The following KIF6 variants were observed in gnomAD, a reference collection of about 807,000 sequenced individuals.
KIF6 encodes kinesin family member 6.
Under a neutral mutation model 112.7 loss-of-function variants are expected in KIF6, and 106 were observed. That is an observed-to-expected ratio of 0.94 (90% CI 0.80 to 1.11). KIF6 has a LOEUF of 1.11. KIF6 is among the 50% of genes least tolerant of loss of function. The pLI is 0.00. For synonymous variants in KIF6, 339 were observed against 339.9 expected (o/e 1.00, Z 0.03); for missense variants, 929 against 964.0 (o/e 0.96, Z 0.48).
intron 7 of KIF6, among the ~76,000 whole-genome samples, chr6:39,591,280 A>G (rs1168667325): frequency 2.6e-5 from 4 of 152,194 alleles, no homozygotes; most frequent in African/African-American, 9.7e-5. Context: ...AGGGCTCTCT[A>G]AAGAATTAGA....
chr6:39,574,730 G>C (rs1226916922), intron 10 of KIF6, among the ~76,000 whole-genome samples: 1 of 151,820 alleles, frequency 6.6e-6, no homozygotes, highest in Non-Finnish European at 1.5e-5. Flanking sequence ...TTAACTATTG[G>C]CTCCTCTGCA....
intron 13 of KIF6, among the ~76,000 whole-genome samples, chr6:39,472,146 GC>G (rs977622260): frequency 1.3e-5 from 2 of 152,086 alleles, no homozygotes; most frequent in Non-Finnish European, 2.9e-5. Flanking sequence ...CACCTTTCAT[GC>G]CCTACAGTCT....
intron 10 of KIF6, among the ~76,000 whole-genome samples, chr6:39,557,229 T>G (rs902883933): frequency 1.3e-5 from 2 of 152,164 alleles, no homozygotes; most frequent in Non-Finnish European, 2.9e-5. Context: ...TATTTTATCC[T>G]TTCATATGGA....
chr6:39,568,562 T>A (rs1349769257), intron 10 of KIF6, among the ~76,000 whole-genome samples: 2 of 151,850 alleles, frequency 1.3e-5, no homozygotes, highest in East Asian at 1.9e-4. Flanking sequence ...TTTTTTTTTT[T>A]AATTTGAGAT....
At position 39,622,305 on chromosome 6, in the gene KIF6, A is replaced by G. The variant is rs542419876; in HGVS notation, c.510-8987T>C. Among the ~76,000 whole-genome samples, 277 of 152,058 alleles carry G rather than the reference A, an allele frequency of 1.8e-3. 2 individuals are homozygous for G. The highest frequency in any genetic ancestry group is 6.8e-3 in the Middle Eastern group (2 of 294). On this transcript the variant is annotated intron_variant, in intron 5 of 22. Coordinates refer to ENST00000287152, the MANE Select transcript of KIF6 (RefSeq NM_145027.6). ...ATATATAAAATATTTTGTTTCTTAT[A>G]TTTATTAGGCAAATTTTATATGTGC...
At chr6:39,383,553 G>A (rs1767153691) in intron 16 of KIF6, among the ~76,000 whole-genome samples, 1 of 152,118 alleles carries the variant, frequency 6.6e-6, no homozygotes, top group Non-Finnish European at 1.5e-5. Context: ...TACTGTTTTG[G>A]TTACTGTAGC....
intron 13 of KIF6, among the ~76,000 whole-genome samples, chr6:39,531,503 T>C (rs1479697722): frequency 6.6e-6 from 1 of 152,148 alleles, no homozygotes; most frequent in Non-Finnish European, 1.5e-5. Context: ...TACAATAGTG[T>C]GTGCCTTTGG....
intron 13 of KIF6, among the ~76,000 whole-genome samples, chr6:39,529,443 T>C (rs553009748): frequency 2.0e-5 from 3 of 152,316 alleles, no homozygotes; most frequent in Non-Finnish European, 4.4e-5. Flanking sequence ...AAGATATTTA[T>C]AAGAAAATCC....
intron 16 of KIF6, among the ~76,000 whole-genome samples, chr6:39,381,431 CACT>C: frequency 6.6e-6 from 1 of 152,232 alleles, no homozygotes; most frequent in Middle Eastern, 3.4e-3. Flanking sequence ...GGGGGCGTAC[CACT>C]GAGTCACTTC....
chr6:39,492,622 G>A (rs1029913771), intron 13 of KIF6, among the ~76,000 whole-genome samples: 1 of 152,224 alleles, frequency 6.6e-6, no homozygotes, highest in Non-Finnish European at 1.5e-5. Context: ...TGTAATTGCT[G>A]TGTCTCAGTG....
chr6:39,348,825 C>T (rs769546827), intron 19 of KIF6, among the ~76,000 whole-genome samples: 11 of 152,230 alleles, frequency 7.2e-5, no homozygotes, highest in Non-Finnish European at 1.3e-4. Context: ...CAGTTCCCCA[C>T]CTGCGGCAAT....
chr6:39,721,554 A>G (rs1280606955), intron 1 of KIF6, among the ~76,000 whole-genome samples: 1 of 152,170 alleles, frequency 6.6e-6, no homozygotes, highest in East Asian at 1.9e-4. Flanking sequence ...CAGGAAAATT[A>G]AAAGTCAAGC....
At chr6:39,413,806 T>G (rs1244303296) in intron 15 of KIF6, among the ~76,000 whole-genome samples, 2 of 152,218 alleles carry the variant, frequency 1.3e-5, no homozygotes, top group African/African-American at 4.8e-5. Flanking sequence ...TTTCCTTCTA[T>G]TCTTACAGTC....
At chr6:39,389,786 T>A (rs543709775) in intron 15 of KIF6, among the ~76,000 whole-genome samples, 1 of 152,260 alleles carries the variant, frequency 6.6e-6, no homozygotes, top group South Asian at 2.1e-4. Flanking sequence ...ATCCCAGCAC[T>A]TTGGGAGGCC....
intron 15 of KIF6, among the ~76,000 whole-genome samples, chr6:39,415,964 A>G (rs1181622710): frequency 3.3e-5 from 5 of 152,170 alleles, no homozygotes; most frequent in African/African-American, 4.8e-5. Context: ...AGCTTCTTCT[A>G]TTACATTCCC....
intron 3 of KIF6, among the ~76,000 whole-genome samples, chr6:39,646,556 T>C (rs1434484322): frequency 1.3e-5 from 2 of 152,226 alleles, no homozygotes; most frequent in Admixed American, 1.3e-4. Flanking sequence ...CTTAGTTTAA[T>C]AGTTAAGTTT....
chr6:39,694,599 C>A (rs957616735), intron 3 of KIF6, among the ~76,000 whole-genome samples: 1 of 152,018 alleles, frequency 6.6e-6, no homozygotes, highest in Non-Finnish European at 1.5e-5. Context: ...ATACCTAGCA[C>A]TAGATTTAGC....
At chr6:39,592,871 T>C (rs888690411) in intron 7 of KIF6, among the ~76,000 whole-genome samples, 2 of 152,210 alleles carry the variant, frequency 1.3e-5, no homozygotes, top group African/African-American at 4.8e-5. Flanking sequence ...CTCACAGTTA[T>C]GGCCAAAAGA....
Position 39,419,993 on chromosome 6 carries a change from C to T in KIF6, c.1765G>A (p.Ala589Thr), listed in dbSNP as rs1770235619. 2 of 1,612,760 alleles carry T rather than the reference C, an allele frequency of 1.2e-6. No individual in the cohort carries two copies. Among genetic ancestry groups the T allele is most frequent in the Admixed American group, 3.3e-5 (2 of 59,974 alleles). ...KQILKQRFSE[A>T]KALGESINEA... ...TTTATACTTTCTCCCAGGGCCTTGG[C>T]TTCAGAAAATCTGGAGGGGAAAAAA... The change falls in exon 15 of 23, where the codon GCC becomes ACC. Residue 589 changes from alanine (A) to threonine (T), a missense_variant. By Grantham distance (58) the Ala-to-Thr change is moderately conservative. Coordinates refer to ENST00000287152, the MANE Select transcript of KIF6 (RefSeq NM_145027.6).
Sources: allele counts gnomAD v4.1 joint callset (sites outside exome capture counted in the v4.1 genomes callset), GRCh38; gene constraint gnomAD v4.1.1; transcripts MANE v1.5; gene names NCBI Gene and HGNC (gene_info 2026-07-23, HGNC 2026-07-21).